Variants in CHST11 observed in about 807,000 individuals in gnomAD.
The protein encoded by CHST11 is carbohydrate sulfotransferase 11.
CHST11 carries 9 observed loss-of-function variants against 30.4 expected under a neutral mutation model. The ratio of observed to expected loss-of-function variants is 0.30; its 90% CI spans 0.18 to 0.52. The LOEUF is 0.52. Among genes scored for constraint, CHST11 ranks in the 20% least tolerant of loss-of-function variants. The pLI is 0.97. For synonymous variants in CHST11, 152 were observed against 187.8 expected (o/e 0.81, Z 1.56); for missense variants, 348 against 460.6 (o/e 0.76, Z 2.24).
intron 1 of CHST11, among the ~76,000 whole-genome samples, chr12:104,495,000 G>A (rs1002404224): frequency 3.9e-5 from 6 of 152,102 alleles, no homozygotes; most frequent in Non-Finnish European, 8.8e-5. Context: ...TGAGCTTCCA[G>A]TAACCACCGT....
chr12:104,639,612 C>T (rs1253332870), intron 2 of CHST11, among the ~76,000 whole-genome samples: 3 of 152,092 alleles, frequency 2.0e-5, no homozygotes, highest in South Asian at 2.1e-4. Flanking sequence ...TGGGGAAAGG[C>T]GATTGTGGGT....
In CHST11 at chr12:104,658,947, G is replaced by C. The variant is rs538222564; in HGVS notation, c.204+56956G>C. Among the ~76,000 whole-genome samples the C allele has an allele frequency of 5.3e-5, 8 of 152,368 alleles. No individual in the cohort carries two copies. The East Asian group carries it at 1.5e-3, about 29-fold the overall frequency. On this transcript the variant is annotated intron_variant, in intron 2 of 2. Coordinates refer to ENST00000303694, the MANE Select transcript of CHST11 (RefSeq NM_018413.6). ...CTAGTAAGTGGTGAAGCTGGGATTT[G>C]AACCCAGGCAGTCTGGCTGCAGAGG...
At chr12:104,457,651 T>C (rs1257187555) in intron 1 of CHST11, 122 bp downstream of exon 1, 7 of 766,930 alleles carry the variant, frequency 9.1e-6, no homozygotes, top group African/African-American at 1.7e-5. Flanking sequence ...TCGGGGCTCC[T>C]GGCTGCCCAG....
chr12:104,604,128 C>T (rs914946788), intron 2 of CHST11, among the ~76,000 whole-genome samples: 5 of 152,124 alleles, frequency 3.3e-5, no homozygotes, highest in African/African-American at 1.2e-4. Context: ...CTGCTTGGTC[C>T]CATTGTAAAC....
chr12:104,705,800 A>G (rs1230100153), intron 2 of CHST11, among the ~76,000 whole-genome samples: 1 of 152,138 alleles, frequency 6.6e-6, no homozygotes, highest in African/African-American at 2.4e-5. Context: ...ATGCGCTTGT[A>G]ATCCCAGCTA....
intron 2 of CHST11, among the ~76,000 whole-genome samples, chr12:104,697,925 C>G (rs540849744): frequency 3.9e-5 from 6 of 152,286 alleles, no homozygotes; most frequent in African/African-American, 1.4e-4. Context: ...TTGACCAAGT[C>G]TTGACTTTCT....
chr12:104,737,066 C>G (rs1208942764), intron 2 of CHST11, among the ~76,000 whole-genome samples: 1 of 152,182 alleles, frequency 6.6e-6, no homozygotes, highest in Non-Finnish European at 1.5e-5. Context: ...GATATTCTGC[C>G]TCAGCAATTA....
intron 1 of CHST11, among the ~76,000 whole-genome samples, chr12:104,584,536 C>T (rs536729588): frequency 4.6e-5 from 7 of 152,104 alleles, no homozygotes; most frequent in South Asian, 4.1e-4. Context: ...GGATTACAGG[C>T]GTGAGCCACC....
chr12:104,612,076 G>C (rs1159525750), intron 2 of CHST11, among the ~76,000 whole-genome samples: 1 of 152,212 alleles, frequency 6.6e-6, no homozygotes, highest in African/African-American at 2.4e-5. Context: ...TGTAGTGTGC[G>C]GCACGCAGCA....
chr12:104,516,097 T>G (rs1565971143), intron 1 of CHST11, among the ~76,000 whole-genome samples: 2 of 152,332 alleles, frequency 1.3e-5, no homozygotes, highest in East Asian at 3.9e-4. Context: ...ACCTTGGCAG[T>G]ATTGACATTT....
intron 2 of CHST11, among the ~76,000 whole-genome samples, chr12:104,633,411 TC>T (rs1179968096): frequency 1.6e-4 from 19 of 117,768 alleles, no homozygotes; most frequent in African/African-American, 5.7e-4. Context: ...TCTCCCTCTG[TC>T]TTTTTTTTTT....
At chr12:104,642,252 G>A (rs1456767100) in intron 2 of CHST11, among the ~76,000 whole-genome samples, 5 of 152,044 alleles carry the variant, frequency 3.3e-5, no homozygotes, top group African/African-American at 4.8e-5. Flanking sequence ...CTTTAGAATG[G>A]CAGTATGGGA....
intron 2 of CHST11, among the ~76,000 whole-genome samples, chr12:104,736,350 G>T (rs747513519): frequency 6.6e-6 from 1 of 152,156 alleles, no homozygotes; most frequent in African/African-American, 2.4e-5. Flanking sequence ...GAGAAGGAAG[G>T]TTGGGGAGGG....
intron 2 of CHST11, among the ~76,000 whole-genome samples, chr12:104,720,425 G>A (rs146364033): frequency 3.9e-5 from 6 of 152,318 alleles, no homozygotes; most frequent in East Asian, 1.9e-4. Context: ...TGAGGGCTGC[G>A]TGCAGCCTCC....
intron 2 of CHST11, among the ~76,000 whole-genome samples, chr12:104,680,134 T>C (rs1452876708): frequency 1.3e-5 from 2 of 152,236 alleles, no homozygotes; most frequent in Non-Finnish European, 2.9e-5. Flanking sequence ...CATAAGGCTG[T>C]GTAATCCTTG....
chr12:104,488,452 T>C (rs1372432428), intron 1 of CHST11, among the ~76,000 whole-genome samples: 1 of 151,850 alleles, frequency 6.6e-6, no homozygotes, highest in East Asian at 1.9e-4. Flanking sequence ...TGTATGTGTG[T>C]ATATGCATGT....
At chr12:104,577,323 G>T (rs375112871) in intron 1 of CHST11, among the ~76,000 whole-genome samples, 6 of 128,112 alleles carry the variant, frequency 4.7e-5, no homozygotes, top group South Asian at 2.6e-4. Flanking sequence ...ACCATTTTTA[G>T]TGTACAGTTC....
At chr12:104,551,241 A>G (rs1592758759) in intron 1 of CHST11, among the ~76,000 whole-genome samples, 1 of 152,188 alleles carries the variant, frequency 6.6e-6, no homozygotes, top group South Asian at 2.1e-4. Flanking sequence ...AGGCAACTGC[A>G]TGTTGCCTCA....
chr12:104,616,230 G>A (rs1476901546), intron 2 of CHST11, among the ~76,000 whole-genome samples: 2 of 152,074 alleles, frequency 1.3e-5, no homozygotes, highest in African/African-American at 4.8e-5. Flanking sequence ...TTTAGTGCAG[G>A]GGTTCACAGC....
Sources: allele counts gnomAD v4.1 joint callset (sites outside exome capture counted in the v4.1 genomes callset), GRCh38; gene constraint gnomAD v4.1.1; transcripts MANE v1.5; gene names NCBI Gene and HGNC (gene_info 2026-07-23, HGNC 2026-07-21).